Variants in MYO9A observed in about 807,000 individuals in gnomAD.
The protein encoded by MYO9A is unconventional myosin-IXa.
In MYO9A, 103 loss-of-function variants were observed where a neutral mutation model predicts 293.3. The ratio of observed to expected loss-of-function variants is 0.35; its 90% confidence interval spans 0.30 to 0.41. MYO9A has a LOEUF of 0.41. Among genes scored for constraint, MYO9A ranks in the 10% least tolerant of loss-of-function variants. MYO9A has a pLI of 1.00. For synonymous variants in MYO9A, 1,001 were observed against 1,035.7 expected, an observed-to-expected ratio of 0.97 and a Z score of 0.64; for missense variants, 2,685 against 3,033.0, an observed-to-expected ratio of 0.89 and a Z score of 2.69.
rs758360110 is a variant in MYO9A, at chr15:71,825,738, G to GATCA, written c.*838_*841dup. 7.9e-5 allele frequency: 12 copies of GATCA among 152,120 alleles called. No individual in the cohort carries two copies. Among genetic ancestry groups the GATCA allele is most frequent in the Non-Finnish European group, 1.0e-4 (7 of 68,028 alleles). 9.4% of individuals were successfully genotyped at this position (152,120 alleles called of 1,614,324 possible). On this transcript the variant is annotated 3_prime_UTR_variant, in exon 42 of 42. Coordinates refer to ENST00000356056, the MANE Select transcript of MYO9A (RefSeq NM_006901.4). ...AGGATGAAACCTTCATAAGTTTAGG[G>GATCA]ATCACCATGTCTCTGGGAAACTAAA...
At position 71,854,403 on chromosome 15, in the gene MYO9A, T is replaced by G. The variant is rs2141433432; in HGVS notation, c.6320A>C (p.Lys2107Thr). The G allele has an allele frequency of 5.0e-6, 8 of 1,599,248 alleles. No individual in the cohort carries two copies. In the East Asian group the frequency reaches 1.8e-4, roughly 36 times the overall value. ...TGTATCTAGACCCTGCCGAAGCTCC[T>G]TGATTTTATTAGTCGAACCAGACTT... is the stretch of plus-strand genomic sequence containing the variant. ...YRKSGSTNKIKELRQGLDTDA... is the reference protein window; with the variant it reads ...YRKSGSTNKITELRQGLDTDA... The change falls in exon 35 of 42, where the codon AAG becomes ACG. Residue 2107 changes from lysine (K) to threonine (T), a missense_variant. Physicochemically the swap from Lys to Thr is moderately conservative, Grantham distance 78 (BLOSUM62 -1). Coordinates refer to ENST00000356056, the MANE Select transcript of MYO9A (RefSeq NM_006901.4).
intron 1 of MYO9A, among the ~76,000 whole-genome samples, chr15:72,101,739 G>A (rs1292815708): frequency 4.9e-5 from 7 of 141,578 alleles, no homozygotes; most frequent in Non-Finnish European, 1.1e-4. Flanking sequence ...GGAGGTGAGG[G>A]GCGCCTCTGC....
chr15:72,059,963 A>G (rs1422819050), intron 1 of MYO9A, among the ~76,000 whole-genome samples: 2 of 152,140 alleles, frequency 1.3e-5, no homozygotes, highest in Non-Finnish European at 2.9e-5. Flanking sequence ...CTTCTTTTGG[A>G]AAAAACCTAC....
At chr15:72,039,504 A>G (rs2078161231) in intron 2 of MYO9A, among the ~76,000 whole-genome samples, 1 of 152,126 alleles carries the variant, frequency 6.6e-6, no homozygotes. Flanking sequence ...AATATTTACA[A>G]ACTAAACACA....
intron 19 of MYO9A, among the ~76,000 whole-genome samples, 195 bp downstream of exon 19, chr15:71,916,175 T>C (rs761577629): frequency 2.6e-5 from 4 of 152,132 alleles, no homozygotes; most frequent in Non-Finnish European, 5.9e-5. Context: ...TCCAGACATA[T>C]GTGGATGAAA....
intron 25 of MYO9A, among the ~76,000 whole-genome samples, chr15:71,894,591 A>G (rs1237238942): frequency 6.6e-6 from 1 of 152,168 alleles, no homozygotes; most frequent in Non-Finnish European, 1.5e-5. Context: ...AAAACCAAAA[A>G]ACAAACAAAC....
chr15:72,082,848 C>T (rs899827990), intron 1 of MYO9A, among the ~76,000 whole-genome samples: 1 of 149,046 alleles, frequency 6.7e-6, no homozygotes, highest in Admixed American at 6.8e-5. Context: ...TATGTTGAAC[C>T]AACCTTGTAT....
At chr15:72,113,833 T>C (rs1188909491) in intron 1 of MYO9A, among the ~76,000 whole-genome samples, 1 of 152,122 alleles carries the variant, frequency 6.6e-6, no homozygotes, top group Non-Finnish European at 1.5e-5. Flanking sequence ...GAGCCAAATC[T>C]GGAATTCAAA....
At position 71,959,967 on chromosome 15, in the gene MYO9A, G is replaced by A. The variant is rs866263531; in HGVS notation, c.2116C>T (p.Arg706Ter). Residue 706 changes from arginine (R) to a stop codon, truncating the protein, a stop_gained, in exon 14 of 42, where the codon CGA (arginine) becomes TGA (stop). Coordinates refer to ENST00000356056, the MANE Select transcript of MYO9A (RefSeq NM_006901.4). LOFTEE classifies it high-confidence loss of function. Reference sequence around the variant, plus strand: ...GCAACCATGGCTCTGAAAAAAGCTCGGAGAATTGCCCATCGGAAAACAGCT... The same window carrying A: ...GCAACCATGGCTCTGAAAAAAGCTCAGAGAATTGCCCATCGGAAAACAGCT... ...PVAVFRWAIL[R>*]AFFRAMVAFR... The A allele has an allele frequency of 6.2e-7, 1 of 1,613,780 alleles. No individual in the cohort carries two copies. The highest frequency in any genetic ancestry group is 8.5e-7 in the Non-Finnish European group (1 of 1,179,936).
chr15:72,028,214 A>ATATATAT (rs1555408252), intron 3 of MYO9A, among the ~76,000 whole-genome samples: 11 of 37,544 alleles, frequency 2.9e-4, no homozygotes, highest in Non-Finnish European at 5.3e-4. Flanking sequence ...TAAATAAATA[A>ATATATAT]ATAAATATAT....
At position 71,825,133 on chromosome 15, in the gene MYO9A, T is replaced by TATAA. The variant is rs2054421521; in HGVS notation, c.*1443_*1446dup. ...CTATCATGTTTCATTTTTTATATATTATAAATAGCAAAAACAGATTTCTAA... is the reference window on the plus strand; with the variant it reads ...CTATCATGTTTCATTTTTTATATATTATAAATAAATAGCAAAAACAGATTTCTAA... On this transcript the variant is annotated 3_prime_UTR_variant, in exon 42 of 42. Coordinates refer to ENST00000356056, the MANE Select transcript of MYO9A (RefSeq NM_006901.4). The TATAA allele has an allele frequency of 6.6e-6, 1 of 152,232 alleles. No individual in the cohort carries two copies. The highest frequency in any genetic ancestry group is 1.5e-5 in the Non-Finnish European group (1 of 68,042). The allele number at this position is 152,232 out of a possible 1,614,324, so 9.4% of individuals were successfully genotyped here.
chr15:72,111,816 T>C (rs897732232), intron 1 of MYO9A, among the ~76,000 whole-genome samples: 1 of 151,962 alleles, frequency 6.6e-6, no homozygotes, highest in African/African-American at 2.4e-5. Context: ...AATAATAATT[T>C]TGTCATTTTT....
chr15:71,965,790 C>A (rs1410022752), intron 13 of MYO9A, among the ~76,000 whole-genome samples: 2 of 152,204 alleles, frequency 1.3e-5, no homozygotes, highest in African/African-American at 2.4e-5. Flanking sequence ...GTGATTACGT[C>A]TTCCTGTTGA....
intron 9 of MYO9A, among the ~76,000 whole-genome samples, chr15:71,998,091 A>G (rs2076751337): frequency 6.6e-6 from 1 of 152,210 alleles, no homozygotes; most frequent in South Asian, 2.1e-4. Flanking sequence ...TCAATGACAC[A>G]CTGGATAAAT....
intron 1 of MYO9A, among the ~76,000 whole-genome samples, chr15:72,106,047 T>C (rs2080555804): frequency 6.6e-6 from 1 of 152,218 alleles, no homozygotes; most frequent in Non-Finnish European, 1.5e-5. Context: ...ATACATGGTA[T>C]GCTACCTTTA....
intron 32 of MYO9A, among the ~76,000 whole-genome samples, chr15:71,872,760 A>G (rs1019469012): frequency 1.3e-5 from 2 of 151,990 alleles, no homozygotes. Context: ...CAGATATTTT[A>G]TATGTGTGTA....
chr15:72,000,762 C>T (rs575051998), intron 8 of MYO9A, among the ~76,000 whole-genome samples: 3 of 152,318 alleles, frequency 2.0e-5, no homozygotes, highest in African/African-American at 7.2e-5. Context: ...GCTTCAGCCT[C>T]CCAAGCAGCT....
intron 1 of MYO9A, among the ~76,000 whole-genome samples, chr15:72,099,070 G>T (rs2080166762): frequency 6.6e-6 from 1 of 152,092 alleles, no homozygotes. Context: ...GAGGCAGAAA[G>T]ATCATTTGAG....
chr15:72,037,202 C>T (rs2149510551), intron 2 of MYO9A, among the ~76,000 whole-genome samples: 1 of 118,762 alleles, frequency 8.4e-6, no homozygotes, highest in East Asian at 2.8e-4. Context: ...TTGTCAAAAA[C>T]AATCAGAAGC....
Sources: gnomAD v4.1 joint callset for allele counts (sites outside exome capture counted in the v4.1 genomes callset) on GRCh38, gnomAD v4.1.1 for gene constraint, MANE v1.5 for transcripts, NCBI Gene and HGNC (gene_info 2026-07-23, HGNC 2026-07-21) for gene names.